The following REL variants were observed in gnomAD, a reference collection of about 807,000 sequenced individuals.
REL encodes the protein REL proto-oncogene, NF-kB subunit, also known as proto-oncogene c-Rel.
A neutral mutation model predicts 45.9 loss-of-function variants in REL; 15 were observed. The ratio of observed to expected loss-of-function variants is 0.33; its 90% CI spans 0.22 to 0.50. The LOEUF (loss-of-function observed/expected upper bound fraction) is 0.50. Ranked by LOEUF, REL falls within the 20% of genes least tolerant of loss-of-function variation. REL has a pLI of 0.98. For missense variants in REL, 601 were observed against 715.2 expected (o/e 0.84, Z 1.82); for synonymous variants, 239 against 242.1 (o/e 0.99, Z 0.12).
intron 1 of REL, among the ~76,000 whole-genome samples, chr2:60,889,551 T>C (rs546762487): frequency 1.3e-5 from 2 of 152,306 alleles, no homozygotes; most frequent in South Asian, 4.1e-4. Flanking sequence ...GCCATGTTGG[T>C]GTGCTGCACC....
intron 3 of REL, among the ~76,000 whole-genome samples, chr2:60,896,018 T>G (rs1359337337): frequency 6.6e-6 from 1 of 151,978 alleles, no homozygotes; most frequent in African/African-American, 2.4e-5. Flanking sequence ...TTTTTTTTTC[T>G]TTTTGAGACA....
rs1039957589 is a variant in REL, at chr2:60,931,343, A to G, written c.*8808A>G. The stretch of plus-strand genomic sequence containing the variant: ...AAATACCTTTGGCTGTGATGAATGT[A>G]GATCCCAGCAGAATACCAAAATCCT... On this transcript the variant is annotated 3_prime_UTR_variant, in exon 10 of 10. Coordinates refer to ENST00000394479, the MANE Select transcript of REL (RefSeq NM_001291746.2). 3.3e-5 allele frequency: 5 copies of G among 152,376 alleles called. No individual in the cohort carries two copies. Among genetic ancestry groups the G allele is most frequent in the Admixed American group, 6.5e-5 (1 of 15,276 alleles). The allele number at this position is 152,376 out of a possible 1,614,324, so 9.4% of individuals were successfully genotyped here. A position where few individuals can be genotyped will look rare whatever the true frequency, so the allele number is the denominator to read the frequency against.
At chr2:60,917,698 G>GTGTA (rs1558816975) in intron 5 of REL, among the ~76,000 whole-genome samples, 1 of 149,932 alleles carries the variant, frequency 6.7e-6, no homozygotes, top group Non-Finnish European at 1.5e-5. Flanking sequence ...GTGTGTGTGT[G>GTGTA]TGTGTGTGTG....
In REL at chr2:60,922,563, T is replaced by C. The variant is rs770727818; in HGVS notation, c.*28T>C. 14 of 1,558,818 alleles carry C rather than the reference T, an allele frequency of 9.0e-6. No individual in the cohort carries two copies. The Admixed American group carries it at 2.6e-4, about 29-fold the overall frequency. On this transcript the variant is annotated 3_prime_UTR_variant, in exon 10 of 10. Transcript: ENST00000394479. ...TGCAAGATTTAAATCCTTTTAAATC[T>C]TGATACCACCTATATAGATGCAGCA...
Position 60,881,583 on chromosome 2 carries a change from T to TC in REL, c.-254dup. On this transcript the variant is annotated 5_prime_UTR_variant, in exon 1 of 10. Transcript: ENST00000394479. ...TCTCGGCTGGGCCAGCACTCGGCTCTCCCCGCTCCGCCCCCTGCCCCTGGC... is the reference window on the plus strand; with the variant it reads ...TCTCGGCTGGGCCAGCACTCGGCTCTCCCCCGCTCCGCCCCCTGCCCCTGGC... The TC allele has an allele frequency of 2.0e-6, 1 of 489,664 alleles. No individual in the cohort carries two copies. The highest frequency in any genetic ancestry group is 2.7e-5 in the South Asian group (1 of 37,202). 30.3% of individuals were successfully genotyped at this position (489,664 alleles called of 1,614,324 possible).
At chr2:60,918,149 C>G (rs1674034312) in intron 5 of REL, 42 bp from the exon 6 acceptor site, 3 of 1,159,224 alleles carry the variant, frequency 2.6e-6, no homozygotes, top group Non-Finnish European at 3.8e-6. Flanking sequence ...TAAAATATTA[C>G]TAAGGTAGCA....
chr2:60,903,748 G>A (rs13027883), intron 4 of REL, among the ~76,000 whole-genome samples: 1 of 151,912 alleles, frequency 6.6e-6, no homozygotes, highest in African/African-American at 2.4e-5. Flanking sequence ...CCAGCCTGGT[G>A]TTGAACTCCC....
intron 5 of REL, 27 bp from the exon 6 acceptor site, chr2:60,918,164 A>AT: frequency 1.5e-6 from 2 of 1,375,812 alleles, no homozygotes; most frequent in Non-Finnish European, 2.0e-6. Flanking sequence ...GTAGCAACTC[A>AT]TTTTTTTGAA....
chr2:60,894,571 C>G, intron 3 of REL, 26 bp downstream of exon 3: 1 of 1,520,748 alleles, frequency 6.6e-7, no homozygotes, highest in Non-Finnish European at 8.9e-7. Context: ...CAGACATCTT[C>G]AGAAATAAGA....
In REL at chr2:60,896,298, G is replaced by A. The variant is rs139480158; in HGVS notation, c.302+1753G>A. Among the ~76,000 whole-genome samples, 847 of 152,138 alleles carry A rather than the reference G, an allele frequency of 5.6e-3. 5 individuals carry two copies. Among genetic ancestry groups the A allele is most frequent in the Middle Eastern group, 0.048 (14 of 292 alleles). On this transcript the variant is annotated intron_variant, in intron 3 of 9. Transcript: ENST00000394479. ...TGCTGGGATTACAAGCGTGAGCCACGGCACCTGGCCAGATAAATAGGTTTT... is the reference window on the plus strand; with the variant it reads ...TGCTGGGATTACAAGCGTGAGCCACAGCACCTGGCCAGATAAATAGGTTTT...
intron 9 of REL, 48 bp from the exon 10 acceptor site, chr2:60,921,715 A>T (rs1278303586): frequency 6.7e-7 from 1 of 1,492,358 alleles, no homozygotes; most frequent in African/African-American, 1.4e-5. Context: ...AATGCTTTTT[A>T]TAATTTTGTT....
At chr2:60,916,800 T>C (rs997516461) in intron 4 of REL, 77 bp from the exon 5 acceptor site, 4 of 927,258 alleles carry the variant, frequency 4.3e-6, no homozygotes, top group Admixed American at 2.5e-5. Flanking sequence ...TTGGCTATAA[T>C]GGGCAGGGAG....
Position 60,929,581 on chromosome 2 carries a change from A to G in REL, c.*7046A>G, listed in dbSNP as rs1474271996. On this transcript the variant is annotated 3_prime_UTR_variant, in exon 10 of 10. Coordinates refer to ENST00000394479, the MANE Select transcript of REL (RefSeq NM_001291746.2). ...TAAACTATCGCAAGAACAAGAAACC[A>G]AACACCACATATTCTCACTCATAGG... 3 of 151,172 alleles carry G rather than the reference A, an allele frequency of 2.0e-5. No individual in the cohort carries two copies. The highest frequency in any genetic ancestry group is 7.3e-5 in the African/African-American group (3 of 41,120). The allele number at this position is 151,172 out of a possible 1,614,324, so 9.4% of individuals were successfully genotyped here. A position where few individuals can be genotyped will look rare whatever the true frequency, so the allele number is the denominator to read the frequency against.
chr2:60,892,777 C>T (rs758961712), intron 2 of REL, among the ~76,000 whole-genome samples: 3 of 151,338 alleles, frequency 2.0e-5, no homozygotes, highest in African/African-American at 7.3e-5. Flanking sequence ...TTTTTTGAGA[C>T]GGAGTCTCAC....
intron 1 of REL, among the ~76,000 whole-genome samples, chr2:60,889,283 CT>C (rs1005265119): frequency 1.3e-5 from 2 of 152,132 alleles, no homozygotes; most frequent in African/African-American, 4.8e-5. Context: ...ATTCCTGACT[CT>C]TTCGCTCTTA....
intron 4 of REL, among the ~76,000 whole-genome samples, chr2:60,907,371 G>T (rs913062252): frequency 6.6e-6 from 1 of 152,092 alleles, no homozygotes; most frequent in African/African-American, 2.4e-5. Context: ...AAAGGGCCAG[G>T]CACGGTGGCT....
chr2:60,903,192 A>G (rs906469666), intron 4 of REL, among the ~76,000 whole-genome samples: 2 of 152,006 alleles, frequency 1.3e-5, no homozygotes, highest in Non-Finnish European at 2.9e-5. Context: ...TATGCACACT[A>G]CTTTATTTAA....
At position 60,920,373 on chromosome 2, in the gene REL, G is replaced by C. The variant is rs1160705067; in HGVS notation, c.923-201G>C. 6.4e-6 allele frequency: 4 copies of C among 626,726 alleles called. No individual in the cohort carries two copies. The highest frequency in any genetic ancestry group is 1.1e-5 in the Non-Finnish European group (4 of 347,834). 38.8% of individuals were successfully genotyped at this position (626,726 alleles called of 1,614,324 possible). A position where few individuals can be genotyped will look rare whatever the true frequency, so the allele number is the denominator to read the frequency against. On this transcript the variant is annotated intron_variant, in intron 8 of 9. Coordinates refer to ENST00000394479, the MANE Select transcript of REL (RefSeq NM_001291746.2). ...GTGCCACCACACCCGGCTAATTTTTGTATTTTTAGTAGAAACAGGGTTTCG... is the reference window on the plus strand; with the variant it reads ...GTGCCACCACACCCGGCTAATTTTTCTATTTTTAGTAGAAACAGGGTTTCG...
chr2:60,882,851 T>C (rs145362990), intron 1 of REL, among the ~76,000 whole-genome samples: 22 of 152,322 alleles, frequency 1.4e-4, no homozygotes, highest in African/African-American at 2.2e-4. Flanking sequence ...TTATCACTTA[T>C]GTGACTATAT....
Sources: gnomAD v4.1 joint callset for allele counts (sites outside exome capture counted in the v4.1 genomes callset) on GRCh38, gnomAD v4.1.1 for gene constraint, MANE v1.5 for transcripts, NCBI Gene and HGNC (gene_info 2026-07-23, HGNC 2026-07-21) for gene names.